Variants in CNTN4 observed in about 807,000 individuals in gnomAD.
The protein encoded by CNTN4 is contactin 4, also known as contactin-4.
In CNTN4, 77 loss-of-function variants were observed where a neutral mutation model predicts 122.5. The ratio of observed to expected loss-of-function variants is 0.63; its 90% CI spans 0.52 to 0.76. CNTN4 has a LOEUF of 0.76. Ranked by LOEUF, CNTN4 falls within the 30% of genes least tolerant of loss-of-function variation. CNTN4 has a pLI of 0.00. For missense variants in CNTN4, 1,256 were observed against 1,259.1 expected (o/e 1.00, Z 0.04); for synonymous variants, 512 against 447.0 (o/e 1.15, Z -1.83).
chr3:2,504,559 T>G (rs530044352), intron 3 of CNTN4, among the ~76,000 whole-genome samples: 1 of 152,276 alleles, frequency 6.6e-6, no homozygotes, highest in South Asian at 2.1e-4. Context: ...TTATAACAAA[T>G]GACTCAATCC....
chr3:2,691,726 T>C (rs1315199480), intron 4 of CNTN4, among the ~76,000 whole-genome samples: 1 of 152,216 alleles, frequency 6.6e-6, no homozygotes, highest in African/African-American at 2.4e-5. Flanking sequence ...CATATGTATT[T>C]TGACTAGCAA....
At chr3:2,441,234 G>A (rs987356803) in intron 3 of CNTN4, among the ~76,000 whole-genome samples, 3 of 152,104 alleles carry the variant, frequency 2.0e-5, no homozygotes, top group Non-Finnish European at 2.9e-5. Context: ...GGAAAAATCC[G>A]AGGGAGCTCC....
At chr3:2,218,227 T>C (rs531237658) in intron 2 of CNTN4, among the ~76,000 whole-genome samples, 9 of 152,342 alleles carry the variant, frequency 5.9e-5, no homozygotes, top group Admixed American at 5.2e-4. Flanking sequence ...AAATGTGCAA[T>C]CTAATTTTAA....
At position 2,539,574 on chromosome 3, in the gene CNTN4, G is replaced by A. The variant is rs555517018; in HGVS notation, c.-88-31842G>A. On this transcript the variant is annotated intron_variant, in intron 3 of 24. Transcript: ENST00000418658. The stretch of plus-strand genomic sequence containing the variant: ...GATTGAGTATAATAAGCCGTCCATG[G>A]TATTTACACTTGGAAAGCAAACTTT... Among the ~76,000 whole-genome samples, 5 of 152,176 alleles carry A rather than the reference G, an allele frequency of 3.3e-5. No individual in the cohort carries two copies. In the South Asian group the frequency reaches 1.0e-3, roughly 32 times the overall value.
chr3:2,938,102 A>C (rs2094581639), intron 13 of CNTN4, among the ~76,000 whole-genome samples: 1 of 152,326 alleles, frequency 6.6e-6, no homozygotes, highest in African/African-American at 2.4e-5. Flanking sequence ...ACTGTGAAGA[A>C]GTTTGGGAAT....
chr3:2,782,465 C>CTGTGTGTGTGTGTGTGTG (rs137927481), intron 6 of CNTN4, among the ~76,000 whole-genome samples: 8 of 133,294 alleles, frequency 6.0e-5, no homozygotes, highest in Non-Finnish European at 1.1e-4. Context: ...CCTTCTTATT[C>CTGTGTGTGTGTGTGTGTG]TGTGTGTGTG....
At chr3:2,163,868 G>A (rs907959636) in intron 2 of CNTN4, among the ~76,000 whole-genome samples, 2 of 152,156 alleles carry the variant, frequency 1.3e-5, no homozygotes, top group Non-Finnish European at 2.9e-5. Context: ...TGAAAGTGGT[G>A]AAAAGGTAAC....
chr3:2,111,740 G>A (rs2032973225), intron 2 of CNTN4, among the ~76,000 whole-genome samples: 1 of 152,044 alleles, frequency 6.6e-6, no homozygotes, highest in African/African-American at 2.4e-5. Context: ...AGGAATTCCT[G>A]TAGGGTTGTG....
intron 3 of CNTN4, among the ~76,000 whole-genome samples, chr3:2,498,979 A>G (rs893670409): frequency 2.0e-5 from 3 of 151,952 alleles, no homozygotes; most frequent in Non-Finnish European, 2.9e-5. Context: ...TAGTAGAGAT[A>G]GGGTTTCAAC....
chr3:2,179,597 A>C (rs1469597424), intron 2 of CNTN4, among the ~76,000 whole-genome samples: 4 of 151,884 alleles, frequency 2.6e-5, no homozygotes, highest in Non-Finnish European at 5.9e-5. Flanking sequence ...TTTATACTGA[A>C]CTTTTATTTT....
chr3:2,514,214 C>T (rs1029742173), intron 3 of CNTN4, among the ~76,000 whole-genome samples: 6 of 152,256 alleles, frequency 3.9e-5, no homozygotes, highest in South Asian at 2.1e-4. Context: ...GACTTTATAA[C>T]GTCCTCAGCG....
intron 3 of CNTN4, among the ~76,000 whole-genome samples, chr3:2,536,135 T>A (rs190867343): frequency 9.5e-4 from 145 of 152,238 alleles, no homozygotes; most frequent in Middle Eastern, 3.4e-3. Context: ...AGGCAGGGAT[T>A]TAAGGGTGAA....
chr3:2,705,881 TTATATAATATATAAAATA>T (rs2086691521), intron 4 of CNTN4, among the ~76,000 whole-genome samples: 1 of 83,886 alleles, frequency 1.2e-5, no homozygotes, highest in South Asian at 3.8e-4. Context: ...TATATATTTT[TTATATAATATATAAAATA>T]TATATTATAT....
At chr3:2,512,166 A>G (rs1190066556) in intron 3 of CNTN4, among the ~76,000 whole-genome samples, 2 of 152,202 alleles carry the variant, frequency 1.3e-5, no homozygotes, top group African/African-American at 4.8e-5. Flanking sequence ...GCAGAAACAG[A>G]AAAGTTTCTC....
chr3:2,542,659 C>T (rs1279876593), intron 3 of CNTN4, among the ~76,000 whole-genome samples: 2 of 152,124 alleles, frequency 1.3e-5, no homozygotes, highest in African/African-American at 4.8e-5. Flanking sequence ...GTGGCAAGAT[C>T]AACTCACAGC....
chr3:2,113,672 T>A (rs1261580285), intron 2 of CNTN4, among the ~76,000 whole-genome samples: 1 of 145,564 alleles, frequency 6.9e-6, no homozygotes, highest in Non-Finnish European at 1.5e-5. Context: ...CAAATGATGA[T>A]CAGAGTCTAT....
At chr3:2,624,982 A>G (rs976379740) in intron 4 of CNTN4, among the ~76,000 whole-genome samples, 4 of 152,080 alleles carry the variant, frequency 2.6e-5, no homozygotes, top group South Asian at 2.1e-4. Context: ...GTGAAACTAG[A>G]TATATTATTT....
chr3:2,871,847 T>C lies in CNTN4; in HGVS notation c.652+4898T>C, dbSNP rs113711838. On this transcript the variant is annotated intron_variant, in intron 8 of 24. Transcript: ENST00000418658. ...TATATTACTTTGCAGTATTCACTTC[T>C]GGGACACATAAAAATATGAGTTGGT... Among the ~76,000 whole-genome samples the C allele has an allele frequency of 2.0e-3, 305 of 152,354 alleles. 1 individual carries two copies. The highest frequency in any genetic ancestry group is 6.8e-3 in the African/African-American group (284 of 41,586).
chr3:2,409,254 T>C (rs1189123364), intron 3 of CNTN4, among the ~76,000 whole-genome samples: 6 of 150,574 alleles, frequency 4.0e-5, no homozygotes, highest in Admixed American at 1.3e-4. Context: ...CTTTTCTTTT[T>C]TTTTTTTTTT....
Sources: allele counts gnomAD v4.1 joint callset (sites outside exome capture counted in the v4.1 genomes callset), GRCh38; gene constraint gnomAD v4.1.1; transcripts MANE v1.5; gene names NCBI Gene and HGNC (gene_info 2026-07-23, HGNC 2026-07-21).